MIER2: variants seen among roughly 807,000 people sequenced by gnomAD.
The protein encoded by MIER2 is MIER family member 2.
MIER2 carries 30 observed loss-of-function variants against 67.6 expected under a neutral mutation model. The observed-to-expected ratio is 0.44, with a 90% CI of 0.33 to 0.60. MIER2 has a LOEUF of 0.60. Ranked by LOEUF, MIER2 falls within the 20% of genes least tolerant of loss-of-function variation. The pLI, the probability that MIER2 is intolerant of heterozygous loss-of-function variation, is 0.02. For synonymous variants in MIER2, 372 were observed against 312.6 expected (o/e 1.19, Z -2.00); for missense variants, 702 against 745.1 (o/e 0.94, Z 0.67).
At chr19:310,261 C>T (rs1439772896) in intron 10 of MIER2, among the ~76,000 whole-genome samples, 1 of 152,246 alleles carries the variant, frequency 6.6e-6, no homozygotes, top group African/African-American at 2.4e-5. Context: ...TAACCCACCG[C>T]CACCCAGAAC....
intron 3 of MIER2, among the ~76,000 whole-genome samples, chr19:332,248 T>C (rs2145509760): frequency 6.6e-6 from 1 of 152,228 alleles, no homozygotes; most frequent in South Asian, 2.1e-4. Context: ...TGGACTGCAG[T>C]GGCACATCTC....
intron 10 of MIER2, among the ~76,000 whole-genome samples, chr19:310,002 A>G (rs1418376486): frequency 1.4e-5 from 2 of 147,274 alleles, no homozygotes; most frequent in East Asian, 3.9e-4. Flanking sequence ...GGACACACAC[A>G]CACACGCACA....
At chr19:310,639 AGCC>A (rs1970943873) in intron 10 of MIER2, among the ~76,000 whole-genome samples, 1 of 126,758 alleles carries the variant, frequency 7.9e-6, no homozygotes, top group African/African-American at 3.6e-5. Flanking sequence ...CTATAGAAAC[AGCC>A]CAGAGTCCAG....
chr19:314,526 G>A (rs967545864), intron 7 of MIER2, among the ~76,000 whole-genome samples: 10 of 152,142 alleles, frequency 6.6e-5, no homozygotes, highest in Admixed American at 3.3e-4. Flanking sequence ...AACGCACTGG[G>A]GAAAACAGCT....
rs142920057 is a variant in MIER2 at position 334,472 on chromosome 19, C to T, written c.171G>A (p.Arg57=). ...ACCTCGAGGCCTCCTCGCACTCCCCCCTAACACTGTAGTTCTGTGACAGGA... is the reference window on the plus strand; with the variant it reads ...ACCTCGAGGCCTCCTCGCACTCCCCTCTAACACTGTAGTTCTGTGACAGGA... ...AEILSQNYSV[R]GECEEASRCP... The change falls in exon 3 of 14, where the codon AGG becomes AGA. Residue 57 remains arginine (R), a synonymous_variant. Transcript: ENST00000264819. 5.6e-5 allele frequency: 91 copies of T among 1,614,056 alleles called. No homozygotes were observed. In the South Asian group the frequency reaches 9.2e-4, roughly 16 times the overall value.
chr19:341,810 G>A (rs1972516283), intron 1 of MIER2, among the ~76,000 whole-genome samples: 1 of 152,150 alleles, frequency 6.6e-6, no homozygotes, highest in African/African-American at 2.4e-5. Context: ...AGGTCCAGAG[G>A]ACAACAGGCC....
chr19:317,730 CAAA>C (rs10710807), intron 7 of MIER2, among the ~76,000 whole-genome samples: 1 of 84,324 alleles, frequency 1.2e-5, no homozygotes, highest in Non-Finnish European at 2.5e-5. Context: ...GACTCTGTCT[CAAA>C]AAAAAAAAAA....
At chr19:338,157 C>A (rs1600175636) in intron 1 of MIER2, among the ~76,000 whole-genome samples, 1 of 111,546 alleles carries the variant, frequency 9.0e-6, no homozygotes, top group Non-Finnish European at 1.7e-5. Flanking sequence ...GGCAATACAG[C>A]AAGACTCCAT....
intron 7 of MIER2, among the ~76,000 whole-genome samples, chr19:317,443 C>T (rs1416041204): frequency 3.3e-5 from 5 of 151,806 alleles, no homozygotes; most frequent in South Asian, 4.1e-4. Flanking sequence ...AGGAGAATGG[C>T]GTGAACCCGG....
At chr19:309,421 G>A (rs1970820117) in intron 10 of MIER2, among the ~76,000 whole-genome samples, 1 of 152,044 alleles carries the variant, frequency 6.6e-6, no homozygotes, top group Non-Finnish European at 1.5e-5. Context: ...CTTTCCCACC[G>A]AACACATCCC....
At chr19:329,840 T>A (rs1427335787) in intron 3 of MIER2, among the ~76,000 whole-genome samples, 2 of 127,824 alleles carry the variant, frequency 1.6e-5, no homozygotes, top group Non-Finnish European at 3.1e-5. Context: ...CACTCCAGCC[T>A]AGGTGACGAG....
Position 313,522 on chromosome 19 carries a change from T to G in MIER2, c.777A>C (p.Pro259=), listed in dbSNP as rs2145376461. ...RWHEMAGPQL[P]EGEAVKDSEQ... ...CACTGTCTTTCACGGCTTCTCCCTC[T>G]GGGAGCTGAGGCCCGGCCATCTCGT... The change falls in exon 8 of 14, where the codon CCA becomes CCC. Residue 259 remains proline, a synonymous_variant. Transcript: ENST00000264819. 1 of 1,612,806 alleles carries G rather than the reference T, an allele frequency of 6.2e-7. No individual in the cohort carries two copies. The highest frequency in any genetic ancestry group is 8.5e-7 in the Non-Finnish European group (1 of 1,179,896).
At chr19:342,109 G>C (rs1972532336) in intron 1 of MIER2, among the ~76,000 whole-genome samples, 1 of 152,234 alleles carries the variant, frequency 6.6e-6, no homozygotes, top group East Asian at 1.9e-4. Flanking sequence ...AGCCATGCTT[G>C]ACCCTCCTCC....
chr19:341,308 A>G (rs1376511150), intron 1 of MIER2, among the ~76,000 whole-genome samples: 1 of 152,148 alleles, frequency 6.6e-6, no homozygotes, highest in Non-Finnish European at 1.5e-5. Flanking sequence ...CAGGCTTGAG[A>G]TCCACACCGA....
intron 3 of MIER2, 38 bp from the exon 4 acceptor site, chr19:328,027 A>G (rs1342907635): frequency 6.2e-7 from 1 of 1,608,950 alleles, no homozygotes; most frequent in East Asian, 2.3e-5. Flanking sequence ...ATCAGGAGGG[A>G]CGGCTCTGGG....
At chr19:340,022 T>C (rs1229355599) in intron 1 of MIER2, among the ~76,000 whole-genome samples, 1 of 152,190 alleles carries the variant, frequency 6.6e-6, no homozygotes, top group Non-Finnish European at 1.5e-5. Flanking sequence ...TTAAAATATT[T>C]AATGAAGTTT....
At chr19:322,544 CAA>C (rs1971544854) in intron 7 of MIER2, among the ~76,000 whole-genome samples, 1 of 152,054 alleles carries the variant, frequency 6.6e-6, no homozygotes, top group Non-Finnish European at 1.5e-5. Flanking sequence ...TTGGAGCACG[CAA>C]AGAGAGAATA....
chr19:334,503 G>A lies in MIER2; in HGVS notation c.140C>T (p.Ala47Val). ...ACTGTAGTTCTGTGACAGGATCTCT[G>A]CGAGGTTGAACTGATGGTCTCCAGA... is the stretch of plus-strand genomic sequence containing the variant. ...MGSGDHQFNL[A>V]EILSQNYSVR... The change falls in exon 3 of 14, where the codon GCA becomes GTA. Residue 47 changes from alanine (A) to valine (V), a missense_variant. This residue lies in a region of MIER2 where 320 missense variants were observed against 292.6 expected (regional missense o/e 1.09). Transcript: ENST00000264819. 6.2e-7 allele frequency: 1 copy of A among 1,614,138 alleles called. No homozygotes were observed. Among genetic ancestry groups the A allele is most frequent in the Non-Finnish European group, 8.5e-7 (1 of 1,180,014 alleles).
intron 1 of MIER2, among the ~76,000 whole-genome samples, chr19:339,186 G>A (rs2084111): frequency 0.085 from 12,866 of 151,508 alleles, 1,047 homozygotes; most frequent in East Asian, 0.43. Context: ...GAGAGAATAG[G>A]AGAAAATATC....
Sources: allele counts gnomAD v4.1 joint callset (sites outside exome capture counted in the v4.1 genomes callset), GRCh38; gene constraint gnomAD v4.1.1; regional missense constraint gnomAD v4.1.1; transcripts MANE v1.5; gene names NCBI Gene and HGNC (gene_info 2026-07-23, HGNC 2026-07-21).